Variants in LTBP1 observed in about 807,000 individuals in gnomAD.
The protein encoded by LTBP1 is latent transforming growth factor beta binding protein 1, also known as latent-transforming growth factor beta-binding protein 1.
A neutral mutation model predicts 207.6 loss-of-function variants in LTBP1; 129 were observed. That is an observed-to-expected ratio of 0.62 (90% CI 0.54 to 0.72). The LOEUF (loss-of-function observed/expected upper bound fraction) is 0.72, where lower values mean the gene tolerates loss of function less well. LTBP1 is among the 30% of genes least tolerant of loss of function. LTBP1 has a pLI of 0.00. For synonymous variants in LTBP1, 963 were observed against 833.7 expected (o/e 1.16, Z -2.67); for missense variants, 2,281 against 2,217.2 (o/e 1.03, Z -0.58).
At chr2:32,949,829 C>G (rs1206240162) in intron 2 of LTBP1, among the ~76,000 whole-genome samples, 1 of 152,180 alleles carries the variant, frequency 6.6e-6, no homozygotes, top group Non-Finnish European at 1.5e-5. Context: ...TGGATACAGT[C>G]AATCTGGTGA....
At chr2:33,386,484 A>G (rs2095266365) in intron 31 of LTBP1, among the ~76,000 whole-genome samples, 1 of 152,198 alleles carries the variant, frequency 6.6e-6, no homozygotes, top group Admixed American at 6.5e-5. Context: ...CTGACAGCCA[A>G]CAGGCATCAG....
intron 9 of LTBP1, among the ~76,000 whole-genome samples, chr2:33,230,279 A>G (rs1196880378): frequency 6.6e-6 from 1 of 152,190 alleles, no homozygotes; most frequent in Admixed American, 6.5e-5. Flanking sequence ...TCCTGAAACA[A>G]CTTTTACTAA....
chr2:33,383,031 T>C (rs2150429859), intron 31 of LTBP1, among the ~76,000 whole-genome samples: 1 of 152,266 alleles, frequency 6.6e-6, no homozygotes, highest in South Asian at 2.1e-4. Flanking sequence ...GTTTTTCTAA[T>C]TTCATAACTT....
chr2:33,278,160 G>T (rs553869604), intron 18 of LTBP1, among the ~76,000 whole-genome samples: 3 of 151,794 alleles, frequency 2.0e-5, no homozygotes, highest in African/African-American at 7.3e-5. Context: ...TTCTACACAC[G>T]GGTCAAGAAT....
intron 3 of LTBP1, among the ~76,000 whole-genome samples, chr2:33,088,325 G>A (rs1465256596): frequency 6.6e-6 from 1 of 152,182 alleles, no homozygotes; most frequent in East Asian, 1.9e-4. Context: ...GGTGGCGCGT[G>A]CCTGTAATCC....
intron 5 of LTBP1, among the ~76,000 whole-genome samples, chr2:33,145,267 A>T (rs1343223152): frequency 6.9e-6 from 1 of 145,152 alleles, no homozygotes. Context: ...GTTGGGGAGA[A>T]AAAAAAAAAC....
At chr2:33,284,543 T>C (rs1295501304) in intron 19 of LTBP1, among the ~76,000 whole-genome samples, 1 of 152,200 alleles carries the variant, frequency 6.6e-6, no homozygotes, top group African/African-American at 2.4e-5. Context: ...TTAATGACTA[T>C]TTCATCACTC....
chr2:33,148,862 G>A (rs1398406246), intron 5 of LTBP1, among the ~76,000 whole-genome samples: 1 of 152,214 alleles, frequency 6.6e-6, no homozygotes. Context: ...ATTTGGGGGT[G>A]CTCTTGGCGT....
At chr2:33,227,186 C>T (rs991439631) in intron 9 of LTBP1, among the ~76,000 whole-genome samples, 4 of 152,018 alleles carry the variant, frequency 2.6e-5, no homozygotes, top group African/African-American at 9.7e-5. Flanking sequence ...ACCAACACAC[C>T]TGACTAATTT....
chr2:33,325,687 T>C (rs534599175), intron 24 of LTBP1, among the ~76,000 whole-genome samples: 51 of 152,352 alleles, frequency 3.3e-4, no homozygotes, highest in African/African-American at 1.2e-3. Flanking sequence ...TTGTGAGTAA[T>C]TGGAAGAAAT....
chr2:33,361,373 A>G, intron 27 of LTBP1, 56 bp from the exon 28 acceptor site: 2 of 1,138,232 alleles, frequency 1.8e-6, no homozygotes, highest in South Asian at 1.4e-5. Flanking sequence ...AATTTGAAAC[A>G]TGCATTCATG....
rs149242420 is a variant in LTBP1, at chr2:33,317,134, A to G, written c.3730+1865A>G. ...GATTTCTGCAACTTGAGAGTTGCAT[A>G]ATCACTGTAATTTAGTTGCAGCTCT... is the stretch of plus-strand genomic sequence containing the variant. On this transcript the variant is annotated intron_variant, in intron 24 of 33. Coordinates refer to ENST00000404816, the MANE Select transcript of LTBP1 (RefSeq NM_206943.4). 4.9e-3 allele frequency among the ~76,000 whole-genome samples: 753 copies of G among 152,332 alleles called. 4 individuals carry two copies. Among genetic ancestry groups the G allele is most frequent in the African/African-American group, 0.017 (722 of 41,574 alleles).
At position 33,051,488 on chromosome 2, in the gene LTBP1, C is replaced by T. The variant is rs575291815; in HGVS notation, c.863+30282C>T. ...GCAATATTACTGAGTGAGGATTGCC[C>T]GAGACTTGAGAGGCAGTTAGGCAGC... On this transcript the variant is annotated intron_variant, in intron 3 of 33. Coordinates refer to ENST00000404816, the MANE Select transcript of LTBP1 (RefSeq NM_206943.4). Among the ~76,000 whole-genome samples, 8 of 152,164 alleles carry T rather than the reference C, an allele frequency of 5.3e-5. No homozygotes were observed. The East Asian group carries it at 1.5e-3, about 29-fold the overall frequency.
chr2:33,137,616 A>G (rs547897894), intron 5 of LTBP1, among the ~76,000 whole-genome samples: 6 of 152,370 alleles, frequency 3.9e-5, no homozygotes, highest in African/African-American at 1.2e-4. Flanking sequence ...TCCAGGGAAA[A>G]TTATATGGAC....
At chr2:33,355,094 CTT>C (rs993571777) in intron 26 of LTBP1, among the ~76,000 whole-genome samples, 2 of 152,108 alleles carry the variant, frequency 1.3e-5, no homozygotes, top group Admixed American at 1.3e-4. Flanking sequence ...TTTCCATACA[CTT>C]TGTGTGTCAC....
chr2:33,273,830 C>T, intron 16 of LTBP1, 49 bp downstream of exon 16: 3 of 1,489,274 alleles, frequency 2.0e-6, no homozygotes, highest in Non-Finnish European at 1.8e-6. Flanking sequence ...AACATTTGAA[C>T]ATTAAGAACA....
chr2:33,111,244 C>T (rs956567291), intron 4 of LTBP1, among the ~76,000 whole-genome samples: 2 of 152,128 alleles, frequency 1.3e-5, no homozygotes, highest in African/African-American at 4.8e-5. Flanking sequence ...TTGTAAAGCG[C>T]TATTGTATCA....
At chr2:33,007,143 C>T (rs988724008) in intron 2 of LTBP1, among the ~76,000 whole-genome samples, 1 of 152,240 alleles carries the variant, frequency 6.6e-6, no homozygotes, top group Non-Finnish European at 1.5e-5. Flanking sequence ...TGGCTTACTG[C>T]AACCTCTGCC....
At position 33,217,794 on chromosome 2, in the gene LTBP1, T is replaced by G. The variant is rs549202774; in HGVS notation, c.1804+140T>G. The G allele has an allele frequency of 3.7e-5, 22 of 589,162 alleles. No homozygotes were observed. In the South Asian group the frequency reaches 5.5e-4, roughly 15 times the overall value. 36.5% of individuals were successfully genotyped at this position (589,162 alleles called of 1,614,324 possible). ...TAGAATGTAGTACTATGATGTGCAT[T>G]TCCAGAAAATTTGCAAGTCTGAAAA... On this transcript the variant is annotated intron_variant, in intron 8 of 33. Transcript: ENST00000404816.
Sources: gnomAD v4.1 joint callset for allele counts (sites outside exome capture counted in the v4.1 genomes callset) on GRCh38, gnomAD v4.1.1 for gene constraint, MANE v1.5 for transcripts, NCBI Gene and HGNC (gene_info 2026-07-23, HGNC 2026-07-21) for gene names.